PEAK1: variants seen among roughly 807,000 people sequenced by gnomAD.
PEAK1 encodes the protein inactive tyrosine-protein kinase PEAK1.
Under a neutral mutation model 124.7 loss-of-function variants are expected in PEAK1, and 54 were observed. That is an observed-to-expected ratio of 0.43 (90% CI 0.35 to 0.54). The LOEUF (loss-of-function observed/expected upper bound fraction) is 0.54, where lower values mean the gene tolerates loss of function less well. Among genes scored for constraint, PEAK1 ranks in the 20% least tolerant of loss-of-function variants. The pLI is 0.01. For missense variants in PEAK1, 2,046 were observed against 2,134.5 expected, an observed-to-expected ratio of 0.96 and a Z score of 0.82; for synonymous variants, 719 against 760.0, an observed-to-expected ratio of 0.95 and a Z score of 0.89.
intron 2 of PEAK1, among the ~76,000 whole-genome samples, chr15:77,354,580 C>T (rs955063845): frequency 1.4e-4 from 22 of 152,158 alleles, no homozygotes; most frequent in African/African-American, 5.1e-4. Flanking sequence ...TGTGATCTGG[C>T]CTTTCCCTGC....
chr15:77,336,480 G>A, intron 2 of PEAK1: 1 of 985,388 alleles, frequency 1.0e-6, no homozygotes, highest in Non-Finnish European at 1.2e-6. Context: ...TTGGCCGTTT[G>A]CTAATCATGT....
intron 2 of PEAK1, among the ~76,000 whole-genome samples, chr15:77,300,525 G>GT (rs2063731706): frequency 6.6e-6 from 1 of 152,150 alleles, no homozygotes. Flanking sequence ...ATAGTACATA[G>GT]AGTTCCCATG....
Position 77,181,777 on chromosome 15 carries a change from A to C in PEAK1, c.150T>G (p.Ser50Arg), listed in dbSNP as rs756214912. 6.2e-7 allele frequency: 1 copy of C among 1,614,066 alleles called. No homozygotes were observed. Among genetic ancestry groups the C allele is most frequent in the African/African-American group, 1.3e-5 (1 of 75,004 alleles). Residue 50 changes from serine to arginine, a missense_variant, in exon 7 of 10, where the codon AGT (serine) becomes AGG (arginine). Transcript: ENST00000682557. The part of the protein sequence containing the change: ...HGNVKTNANH[S>R]NNHRIRNTGN... ...CCGTGTTCCTGATGCGGTGGTTGTT[A>C]CTGTGATTGGCATTAGTTTTCACAT...
At chr15:77,417,312 A>G in intron 1 of PEAK1, 1 of 972,542 alleles carries the variant, frequency 1.0e-6, no homozygotes, top group Non-Finnish European at 1.2e-6. Context: ...TTGTCAAACA[A>G]ATGTAAACTA....
chr15:77,339,277 G>GT (rs990276497), intron 2 of PEAK1, among the ~76,000 whole-genome samples: 1 of 151,774 alleles, frequency 6.6e-6, no homozygotes, highest in Non-Finnish European at 1.5e-5. Flanking sequence ...CACCCAGCTA[G>GT]TTTTTTTGTA....
intron 8 of PEAK1, among the ~76,000 whole-genome samples, chr15:77,153,245 C>A (rs909224083): frequency 6.6e-6 from 1 of 152,142 alleles, no homozygotes; most frequent in Non-Finnish European, 1.5e-5. Context: ...GGAATTTATC[C>A]ATTTCTTCTA....
intron 6 of PEAK1, among the ~76,000 whole-genome samples, chr15:77,233,752 C>T (rs1423334545): frequency 4.6e-5 from 7 of 152,188 alleles, no homozygotes; most frequent in Non-Finnish European, 8.8e-5. Flanking sequence ...AACAACAGTT[C>T]CTTCTTATAA....
chr15:77,419,381 A>T, intron 1 of PEAK1: 1 of 985,324 alleles, frequency 1.0e-6, no homozygotes, highest in African/African-American at 1.7e-5. Context: ...CGGATGGGTC[A>T]AAGGGCAGAA....
chr15:77,197,552 T>A (rs1160711432), intron 6 of PEAK1, among the ~76,000 whole-genome samples: 1 of 152,168 alleles, frequency 6.6e-6, no homozygotes, highest in Non-Finnish European at 1.5e-5. Context: ...GGTTCTACCT[T>A]TACCTTTTTT....
chr15:77,312,483 A>G (rs189757798), intron 2 of PEAK1, among the ~76,000 whole-genome samples: 1 of 152,344 alleles, frequency 6.6e-6, no homozygotes, highest in East Asian at 1.9e-4. Flanking sequence ...CCAAATAAAT[A>G]ACTGAATTGG....
Position 77,283,923 on chromosome 15 carries a change from C to T in PEAK1, c.-315G>A. The T allele has an allele frequency of 1.0e-6, 1 of 982,366 alleles. No individual in the cohort carries two copies. The highest frequency in any genetic ancestry group is 1.2e-6 in the Non-Finnish European group (1 of 827,168). 60.9% of individuals were successfully genotyped at this position (982,366 alleles called of 1,614,324 possible). On this transcript the variant is annotated 5_prime_UTR_variant, in exon 5 of 10. Transcript: ENST00000682557. ...ATTTATATAGCTGTAGTCATTACTACTTTCATATTAGAAAATGTTTGTTTC... is the reference window on the plus strand; with the variant it reads ...ATTTATATAGCTGTAGTCATTACTATTTTCATATTAGAAAATGTTTGTTTC...
chr15:77,247,317 A>T (rs966254551), intron 6 of PEAK1, among the ~76,000 whole-genome samples: 1 of 152,112 alleles, frequency 6.6e-6, no homozygotes, highest in South Asian at 2.1e-4. Flanking sequence ...TAAGTGTTAC[A>T]TCAGCTCTAT....
rs1210784210 is a variant in PEAK1 at position 77,280,328 on chromosome 15, G to A, written c.-275+3555C>T. On this transcript the variant is annotated intron_variant, in intron 5 of 9. Transcript: ENST00000682557. ...TGCACTCCAGCCTGGGCAACAGAGT[G>A]AGTGAGACTCCATCTCAAAAAAAAG... 2.0e-5 allele frequency among the ~76,000 whole-genome samples: 3 copies of A among 151,964 alleles called. No individual in the cohort carries two copies. In the South Asian group the frequency reaches 6.2e-4, roughly 32 times the overall value.
rs755216158 is a variant in PEAK1, at chr15:77,158,644, C to T, written c.3190G>A (p.Val1064Ile). 2.5e-6 allele frequency: 4 copies of T among 1,614,012 alleles called. No individual in the cohort carries two copies. Among genetic ancestry groups the T allele is most frequent in the South Asian group, 1.1e-5 (1 of 91,082 alleles). The change falls in exon 8 of 10, where the codon GTT (valine) becomes ATT (isoleucine). Residue 1064 changes from valine (V) to isoleucine (I), a missense_variant. Val to Ile is a conservative substitution (Grantham distance 29). Coordinates refer to ENST00000682557, the MANE Select transcript of PEAK1 (RefSeq NM_001385026.1). ...EDFSPRDPRT[V>I]VGKQDGRGCT... Reference sequence around the variant, plus strand: ...CCCCTGCCATCTTGCTTCCCAACAACAGTTCTTGGATCCCGAGGAGAAAAA... The same window carrying T: ...CCCCTGCCATCTTGCTTCCCAACAATAGTTCTTGGATCCCGAGGAGAAAAA...
At chr15:77,169,934 T>C (rs1388758700) in intron 7 of PEAK1, among the ~76,000 whole-genome samples, 1 of 152,140 alleles carries the variant, frequency 6.6e-6, no homozygotes, top group Non-Finnish European at 1.5e-5. Context: ...TTTGGATATG[T>C]TTCATTTGAA....
rs780962084 is a variant in PEAK1, at chr15:77,181,958, T to G, written c.-32A>C. 2 of 1,523,684 alleles carry G rather than the reference T, an allele frequency of 1.3e-6. No individual in the cohort carries two copies. Among genetic ancestry groups the G allele is most frequent in the Non-Finnish European group, 8.8e-7 (1 of 1,138,762 alleles). The allele number at this position is 1,523,684 out of a possible 1,614,324, so 94.4% of individuals were successfully genotyped here. On this transcript the variant is annotated 5_prime_UTR_variant, in exon 7 of 10. Transcript: ENST00000682557. ...AAATAGAACTTCACAGACAATGCTT[T>G]TCTTTCAGTGCATGACAAAACTTTC... is the stretch of plus-strand genomic sequence containing the variant.
chr15:77,201,141 G>C (rs894371172), intron 6 of PEAK1, among the ~76,000 whole-genome samples: 5 of 149,132 alleles, frequency 3.4e-5, no homozygotes, highest in Non-Finnish European at 3.0e-5. Context: ...GAACAGATTA[G>C]TAAAAAGGGG....
intron 1 of PEAK1, among the ~76,000 whole-genome samples, chr15:77,409,971 C>G (rs2072258121): frequency 6.6e-6 from 1 of 152,042 alleles, no homozygotes; most frequent in Non-Finnish European, 1.5e-5. Context: ...AGTGTGACTT[C>G]TGAACTAGAA....
chr15:77,418,294 G>A (rs2142206291), intron 1 of PEAK1: 13 of 985,368 alleles, frequency 1.3e-5, no homozygotes, highest in Non-Finnish European at 1.6e-5. Flanking sequence ...GGGGGGTAGT[G>A]AGGGAAAAGA....
Sources: gnomAD v4.1 joint callset for allele counts (sites outside exome capture counted in the v4.1 genomes callset) on GRCh38, gnomAD v4.1.1 for gene constraint, MANE v1.5 for transcripts, NCBI Gene and HGNC (gene_info 2026-07-23, HGNC 2026-07-21) for gene names.